GP5: variants seen among roughly 807,000 people sequenced by gnomAD.
GP5 encodes platelet glycoprotein V.
For synonymous variants in GP5, 382 were observed against 353.9 expected (o/e 1.08, Z -0.89); for missense variants, 755 against 737.1 (o/e 1.02, Z -0.28).
chr3:194,396,956 C>T lies in GP5; in HGVS notation c.1327G>A (p.Val443Met), dbSNP rs532116069. 7.1e-6 allele frequency: 11 copies of T among 1,552,074 alleles called. No homozygotes were observed. In the South Asian group the frequency reaches 9.4e-5, roughly 13 times the overall value. ...CACCGTGGGGGCTCTTCCCCGCCCA[C>T]GAGGCCTAGGTGCTGCCGCAGCCAC... ...LGWLRQHLGLVGGEEPPRCAG... is the reference protein window; with the variant it reads ...LGWLRQHLGLMGGEEPPRCAG... The change falls in exon 2 of 2, where the codon GTG (valine) becomes ATG (methionine). Residue 443 changes from valine (V) to methionine (M), a missense_variant. Val to Met is a conservative substitution (Grantham distance 21, BLOSUM62 1). Transcript: ENST00000692618.
At position 194,396,459 on chromosome 3, in the gene GP5, G is replaced by A; in HGVS notation, c.*141C>T. On this transcript the variant is annotated 3_prime_UTR_variant, in exon 2 of 2. Coordinates refer to ENST00000692618, the MANE Select transcript of GP5 (RefSeq NM_004488.2). ...GCGGAGAGGGGGAGGAGGAGGGAAA[G>A]GAAGGCGTGGCAGTGAGAGAGAAGA... is the stretch of plus-strand genomic sequence containing the variant. 1.5e-6 allele frequency: 1 copy of A among 653,272 alleles called. No homozygotes were observed. The highest frequency in any genetic ancestry group is 2.6e-6 in the Non-Finnish European group (1 of 380,700). 40.5% of individuals were successfully genotyped at this position (653,272 alleles called of 1,614,324 possible).
Position 194,397,230 on chromosome 3 carries a change from C to A in GP5, c.1053G>T (p.Leu351=). The change falls in exon 2 of 2, where the codon CTG becomes CTT. Residue 351 remains leucine, a synonymous_variant. Coordinates refer to ENST00000692618, the MANE Select transcript of GP5 (RefSeq NM_004488.2). The surrounding 1 kb of genome is among the most constrained non-coding windows in gnomAD (Gnocchi z 7.2). ...GCAGCAAGCCGTCGGGGAGGGCGGTCAGGCCGTTGGAGTGCAGGGCGAGCA... is the reference window on the plus strand; with the variant it reads ...GCAGCAAGCCGTCGGGGAGGGCGGTAAGGCCGTTGGAGTGCAGGGCGAGCA... The part of the protein sequence containing the change: ...LQVLALHSNG[L]TALPDGLLRG... 6.4e-7 allele frequency: 1 copy of A among 1,574,262 alleles called. No individual in the cohort carries two copies. The highest frequency in any genetic ancestry group is 8.6e-7 in the Non-Finnish European group (1 of 1,168,210).
chr3:194,398,451 C>A (rs2185479), intron 1 of GP5, 167 bp from the exon 2 acceptor site: 7 of 650,790 alleles, frequency 1.1e-5, no homozygotes, highest in South Asian at 8.7e-5. Context: ...GACACTCATT[C>A]TACACTGCGT....
At position 194,396,957 on chromosome 3, in the gene GP5, G is replaced by C; in HGVS notation, c.1326C>G (p.Leu442=). 1 of 1,553,846 alleles carries C rather than the reference G, an allele frequency of 6.4e-7. No individual in the cohort carries two copies. Among genetic ancestry groups the C allele is most frequent in the Non-Finnish European group, 8.7e-7 (1 of 1,154,944 alleles). The change falls in exon 2 of 2, where the codon CTC becomes CTG. Residue 442 remains leucine, a synonymous_variant. Transcript: ENST00000692618. ...ACCGTGGGGGCTCTTCCCCGCCCAC[G>C]AGGCCTAGGTGCTGCCGCAGCCACC... ...FLGWLRQHLG[L]VGGEEPPRCA...
In GP5 at chr3:194,398,268, A is replaced by G. The variant is rs568045079; in HGVS notation, c.15T>C (p.Thr5=). The change falls in exon 2 of 2, where the codon ACT becomes ACC. Residue 5 remains threonine (T), a synonymous_variant. Transcript: ENST00000692618. MLRG[T]LLCAVLGLLR... ...GAAGCCCGAGCACCGCGCACAGTAG[A>G]GTCCCCCTCAGCATGTCTGAAAAAG... 5.0e-6 allele frequency: 8 copies of G among 1,603,036 alleles called. No homozygotes were observed. The highest frequency in any genetic ancestry group is 6.8e-6 in the Non-Finnish European group (8 of 1,174,156).
rs768416144 is a variant in GP5 at position 194,396,724 on chromosome 3, G to A, written c.1559C>T (p.Pro520Leu). Residue 520 changes from proline (P) to leucine (L), a missense_variant, in exon 2 of 2, where the codon CCG (proline) becomes CTG (leucine). Physicochemically the swap from Pro to Leu is moderately conservative, Grantham distance 98. Transcript: ENST00000692618. ...VTTGKGQDHSPFWGFYFLLLA... is the reference protein window; with the variant it reads ...VTTGKGQDHSLFWGFYFLLLA... ...AAGCAGAAAATAAAACCCCCAGAACGGACTATGATCTTGACCTTTGCCCGT... is the reference window on the plus strand; with the variant it reads ...AAGCAGAAAATAAAACCCCCAGAACAGACTATGATCTTGACCTTTGCCCGT... The A allele has an allele frequency of 3.1e-6, 5 of 1,613,998 alleles. No individual in the cohort carries two copies. Among genetic ancestry groups the A allele is most frequent in the Admixed American group, 1.7e-5 (1 of 60,006 alleles).
chr3:194,396,612 T>G lies in GP5; in HGVS notation c.1671A>C (p.Arg557Ser), dbSNP rs778725674. 2 of 1,609,476 alleles carry G rather than the reference T, an allele frequency of 1.2e-6. No homozygotes were observed. Among genetic ancestry groups the G allele is most frequent in the Non-Finnish European group, 1.7e-6 (2 of 1,177,258 alleles). The stretch of plus-strand genomic sequence containing the variant: ...TTTTCCCATTGGTTTACCCAAGGGC[T>G]CTCTCTCTGATTAATTTTCGAAAGA... ...GQLFRKLIRERALG is the reference protein window; with the variant it reads ...GQLFRKLIRESALG The change falls in exon 2 of 2, where the codon AGA (arginine) becomes AGC (serine). Residue 557 changes from arginine to serine, a missense_variant. Coordinates refer to ENST00000692618, the MANE Select transcript of GP5 (RefSeq NM_004488.2).
Position 194,396,687 on chromosome 3 carries a change from C to G in GP5, c.1596G>C (p.Gln532His). The change falls in exon 2 of 2, where the codon CAG becomes CAC. Residue 532 changes from glutamine (Q) to histidine (H), a missense_variant. By Grantham distance (24) the Gln-to-His change is conservative. Coordinates refer to ENST00000692618, the MANE Select transcript of GP5 (RefSeq NM_004488.2). ...ACACGATGATCACGGTGATCATGGC[C>G]TGAACAGCTAAAAGCAGAAAATAAA... Reference protein sequence around the residue: ...WGFYFLLLAVQAMITVIIVFA... With the variant: ...WGFYFLLLAVHAMITVIIVFA... 1.2e-6 allele frequency: 2 copies of G among 1,613,960 alleles called. No homozygotes were observed. The highest frequency in any genetic ancestry group is 1.7e-6 in the Non-Finnish European group (2 of 1,179,830).
At position 194,398,148 on chromosome 3, in the gene GP5, C is replaced by G; in HGVS notation, c.135G>C (p.Ala45=). 1 of 1,612,978 alleles carries G rather than the reference C, an allele frequency of 6.2e-7. No individual in the cohort carries two copies. The highest frequency in any genetic ancestry group is 8.5e-7 in the Non-Finnish European group (1 of 1,179,800). ...CSGGDVARIS[A]LGLPTNLTHI... is the part of the protein sequence containing the mutation. ...GCGTGAGGTTGGTGGGCAGGCCTAG[C>G]GCGGAGATGCGCGCCACGTCGCCCC... The change falls in exon 2 of 2, where the codon GCG becomes GCC. Residue 45 remains alanine (A), a synonymous_variant. Coordinates refer to ENST00000692618, the MANE Select transcript of GP5 (RefSeq NM_004488.2).
intron 1 of GP5, among the ~76,000 whole-genome samples, chr3:194,398,646 G>A (rs1714531650): frequency 6.6e-6 from 1 of 152,188 alleles, no homozygotes; most frequent in African/African-American, 2.4e-5. Context: ...CTCTGCTCTT[G>A]ACTTTATAAC....
In GP5 at chr3:194,397,783, G is replaced by A. The variant is rs932705672; in HGVS notation, c.500C>T (p.Thr167Met). 6 of 1,613,782 alleles carry A rather than the reference G, an allele frequency of 3.7e-6. No homozygotes were observed. Among genetic ancestry groups the A allele is most frequent in the South Asian group, 2.2e-5 (2 of 91,074 alleles). ...QLDFLPASLF[T>M]NLENLKLLDL... ...CAACAACTTCAGGTTCTCCAGATTC[G>A]TGAAGAGACTGGCAGGAAGGAAATC... The change falls in exon 2 of 2, where the codon ACG becomes ATG. Residue 167 changes from threonine (T) to methionine (M), a missense_variant. Coordinates refer to ENST00000692618, the MANE Select transcript of GP5 (RefSeq NM_004488.2). This position sits in a 1 kb window ranked among gnomAD's most constrained non-coding sequence, Gnocchi z 7.2.
At chr3:194,399,012 T>C (rs1278707551) in intron 1 of GP5, among the ~76,000 whole-genome samples, 3 of 131,394 alleles carry the variant, frequency 2.3e-5, no homozygotes, top group African/African-American at 3.5e-5. Flanking sequence ...GTAGTATTTC[T>C]GACTTAGCCA....
rs779446549 is a variant in GP5, at chr3:194,397,290, C to A, written c.993G>T (p.Pro331=). 6.3e-6 allele frequency: 10 copies of A among 1,580,722 alleles called. No individual in the cohort carries two copies. In the South Asian group the frequency reaches 1.0e-4, roughly 16 times the overall value. The part of the protein sequence containing the change: ...VTLSPRLSAL[P]QGAFQGLGEL... ...CGCCAAGGCCCTGGAAGGCGCCCTGCGGAAGCGCGCTCAGCCGCGGGCTCA... is the reference window on the plus strand; with the variant it reads ...CGCCAAGGCCCTGGAAGGCGCCCTGAGGAAGCGCGCTCAGCCGCGGGCTCA... Residue 331 remains proline, a synonymous_variant, in exon 2 of 2, where the codon CCG becomes CCT. Transcript: ENST00000692618. The surrounding 1 kb of genome is among the most constrained non-coding windows in gnomAD (Gnocchi z 7.2).
At position 194,397,743 on chromosome 3, in the gene GP5, G is replaced by T. The variant is rs764613759; in HGVS notation, c.540C>A (p.Asn180Lys). 6.2e-7 allele frequency: 1 copy of T among 1,613,996 alleles called. No homozygotes were observed. Among genetic ancestry groups the T allele is most frequent in the Admixed American group, 1.7e-5 (1 of 60,026 alleles). ...ENLKLLDLSG[N>K]NLTHLPKGLL... ...ACCCCTTGGGCAGGTGGGTCAGGTT[G>T]TTTCCCGATAAATCCAACAACTTCA... The change falls in exon 2 of 2, where the codon AAC (asparagine) becomes AAA (lysine). Residue 180 changes from asparagine (N) to lysine (K), a missense_variant. Asn to Lys is a moderately conservative substitution (Grantham distance 94). Transcript: ENST00000692618. The surrounding 1 kb of genome is among the most constrained non-coding windows in gnomAD (Gnocchi z 7.2).
rs952526664 is a variant in GP5, at chr3:194,396,982, C to T, written c.1301G>A (p.Gly434Glu). The T allele has an allele frequency of 6.3e-7, 1 of 1,588,110 alleles. No homozygotes were observed. Among genetic ancestry groups the T allele is most frequent in the African/African-American group, 1.3e-5 (1 of 74,738 alleles). The stretch of plus-strand genomic sequence containing the variant: ...GAGGCCTAGGTGCTGCCGCAGCCAC[C>T]CCAGGAAGGGCCCCAGGCCACAGTC... ...RCDCGLGPFL[G>E]WLRQHLGLVG... Residue 434 changes from glycine (G) to glutamate (E), a missense_variant, in exon 2 of 2, where the codon GGG (glycine) becomes GAG (glutamate). Coordinates refer to ENST00000692618, the MANE Select transcript of GP5 (RefSeq NM_004488.2).
In GP5 at chr3:194,397,821, G is replaced by T. The variant is rs949499114; in HGVS notation, c.462C>A (p.Asn154Lys). ...CAGGAAGGAAATCGAGCTGATTCTG[G>T]TTCAGAGCGAGCTCCTGCAGGTTAA... is the stretch of plus-strand genomic sequence containing the variant. ...KLVNLQELAL[N>K]QNQLDFLPAS... The change falls in exon 2 of 2, where the codon AAC becomes AAA. Residue 154 changes from asparagine to lysine, a missense_variant. Physicochemically the swap from Asn to Lys is moderately conservative, Grantham distance 94. Transcript: ENST00000692618. This position sits in a 1 kb window ranked among gnomAD's most constrained non-coding sequence, Gnocchi z 7.2. The T allele has an allele frequency of 5.0e-6, 8 of 1,613,980 alleles. No homozygotes were observed. In the Admixed American group the frequency reaches 8.3e-5, roughly 17 times the overall value.
At position 194,396,603 on chromosome 3, in the gene GP5, C is replaced by T. The variant is rs753524407; in HGVS notation, c.1680G>A (p.Gly560=). ...FRKLIRERAL[G] ...ATTAGAAGATTTTCCCATTGGTTTA[C>T]CCAAGGGCTCTCTCTCTGATTAATT... Residue 560 remains glycine, a synonymous_variant, in exon 2 of 2, where the codon GGG becomes GGA. Transcript: ENST00000692618. 1.0e-5 allele frequency: 16 copies of T among 1,606,996 alleles called. No homozygotes were observed. Among genetic ancestry groups the T allele is most frequent in the Non-Finnish European group, 1.2e-5 (14 of 1,176,092 alleles).
chr3:194,397,129 T>C lies in GP5; in HGVS notation c.1154A>G (p.Asn385Ser), dbSNP rs758295793. 6.3e-7 allele frequency: 1 copy of C among 1,589,822 alleles called. No individual in the cohort carries two copies. Among genetic ancestry groups the C allele is most frequent in the East Asian group, 2.2e-5 (1 of 44,492 alleles). The part of the protein sequence containing the change: ...LRALPRALFR[N>S]LSSLESVQLD... ...CTGGACGCTCTCCAGGCTGCTGAGA[T>C]TGCGGAAGAGGGCACGGGGCAGGGC... The change falls in exon 2 of 2, where the codon AAT becomes AGT. Residue 385 changes from asparagine to serine, a missense_variant. Transcript: ENST00000692618. This position sits in a 1 kb window ranked among gnomAD's most constrained non-coding sequence, Gnocchi z 7.2.
chr3:194,398,433 G>A, intron 1 of GP5, 149 bp from the exon 2 acceptor site: 2 of 741,158 alleles, frequency 2.7e-6, no homozygotes, highest in Non-Finnish European at 4.4e-6. Flanking sequence ...TTCCCTACGT[G>A]GTGAAAAGAC....
Sources: allele counts gnomAD v4.1 joint callset (sites outside exome capture counted in the v4.1 genomes callset), GRCh38; gene constraint gnomAD v4.1.1; non-coding constraint Gnocchi (gnomAD v3.1); transcripts MANE v1.5; gene names NCBI Gene and HGNC (gene_info 2026-07-23, HGNC 2026-07-21).